Variants in CORIN observed in about 807,000 individuals in gnomAD.
CORIN encodes the protein atrial natriuretic peptide-converting enzyme.
A neutral mutation model predicts 125.3 loss-of-function variants in CORIN; 117 were observed. The ratio of observed to expected loss-of-function variants is 0.93; its 90% CI spans 0.80 to 1.09. CORIN has a LOEUF of 1.09. Among genes scored for constraint, CORIN ranks in the 50% least tolerant of loss-of-function variants. The probability of loss-of-function intolerance (pLI) is 0.00; values close to 1 mark genes in which losing one functional copy is unlikely to be tolerated. For synonymous variants in CORIN, 450 were observed against 466.4 expected (o/e 0.96, Z 0.45); for missense variants, 1,253 against 1,306.7 (o/e 0.96, Z 0.63).
At chr4:47,773,994 T>C (rs1205753862) in intron 3 of CORIN, among the ~76,000 whole-genome samples, 3 of 152,154 alleles carry the variant, frequency 2.0e-5, no homozygotes, top group African/African-American at 4.8e-5. Flanking sequence ...GTCTTTGCTT[T>C]AAATATCTAG....
At chr4:47,787,009 C>G (rs892712316) in intron 2 of CORIN, 84 bp from the exon 3 acceptor site, 3 of 943,944 alleles carry the variant, frequency 3.2e-6, no homozygotes, top group Non-Finnish European at 4.7e-6. Context: ...TAAGAAAACT[C>G]TAGAGCTACT....
At chr4:47,697,085 G>T (rs1445662153) in intron 5 of CORIN, among the ~76,000 whole-genome samples, 1 of 152,154 alleles carries the variant, frequency 6.6e-6, no homozygotes, top group Non-Finnish European at 1.5e-5. Flanking sequence ...CATGCTGCTC[G>T]AAATCAAGTA....
At chr4:47,782,290 C>A (rs983473761) in intron 3 of CORIN, among the ~76,000 whole-genome samples, 7 of 151,104 alleles carry the variant, frequency 4.6e-5, no homozygotes, top group African/African-American at 1.5e-4. Context: ...GAGACTGAGT[C>A]AGGAGAATCG....
At chr4:47,779,484 T>C (rs1361401316) in intron 3 of CORIN, among the ~76,000 whole-genome samples, 1 of 151,718 alleles carries the variant, frequency 6.6e-6, no homozygotes, top group African/African-American at 2.4e-5. Context: ...TCACCCAGGC[T>C]GGAGTGAAGT....
At chr4:47,728,959 T>C (rs1476920363) in intron 5 of CORIN, among the ~76,000 whole-genome samples, 2 of 152,236 alleles carry the variant, frequency 1.3e-5, no homozygotes, top group African/African-American at 4.8e-5. Context: ...CTGTGCCACT[T>C]CAAGCAAAGC....
At position 47,807,028 on chromosome 4, in the gene CORIN, T is replaced by C; in HGVS notation, c.83A>G (p.Asn28Ser). The C allele has an allele frequency of 6.2e-7, 1 of 1,613,242 alleles. No homozygotes were observed. Among genetic ancestry groups the C allele is most frequent in the Non-Finnish European group, 8.5e-7 (1 of 1,179,756 alleles). Residue 28 changes from asparagine to serine, a missense_variant, in exon 2 of 22, where the codon AAT becomes AGT. Physicochemically the swap from Asn to Ser is conservative, Grantham distance 46. Transcript: ENST00000273857. Reference sequence around the variant, plus strand: ...CTGAGAGCAGCCATTGCCCATGTTATTGTCATCAGCTCTCAAGACCTAAAG... The same window carrying C: ...CTGAGAGCAGCCATTGCCCATGTTACTGTCATCAGCTCTCAAGACCTAAAG... ...SPKPVLRADD[N>S]NMGNGCSQKL...
chr4:47,808,781 C>T (rs1731920109), intron 1 of CORIN, among the ~76,000 whole-genome samples: 2 of 152,164 alleles, frequency 1.3e-5, no homozygotes, highest in Admixed American at 1.3e-4. Context: ...TGTGGGACTA[C>T]AGGCCAACAA....
rs749871156 is a variant in CORIN, at chr4:47,683,851, G to A, written c.914-13C>T. 3.1e-6 allele frequency: 5 copies of A among 1,590,420 alleles called. No homozygotes were observed. The highest frequency in any genetic ancestry group is 4.3e-6 in the Non-Finnish European group (5 of 1,163,102). On this transcript the variant is annotated splice_polypyrimidine_tract_variant and intron_variant, in intron 6 of 21. Coordinates refer to ENST00000273857, the MANE Select transcript of CORIN (RefSeq NM_006587.4). ...TTCTCGCTGCAGTCTGCAAATAAAA[G>A]AAGCCACCAGTGTGTCATCAGAGCC... is the stretch of plus-strand genomic sequence containing the variant.
chr4:47,595,431 A>G lies in CORIN; in HGVS notation c.*290T>C, dbSNP rs1017432074. 3 of 216,060 alleles carry G rather than the reference A, an allele frequency of 1.4e-5. No homozygotes were observed. The highest frequency in any genetic ancestry group is 2.0e-4 in the East Asian group (2 of 9,782). 13.4% of individuals were successfully genotyped at this position (216,060 alleles called of 1,614,324 possible). ...GTAGCACCTGATTTTAAATCTCGCC[A>G]GAGTCGATAATTTTGTGCTGCAGTC... On this transcript the variant is annotated 3_prime_UTR_variant, in exon 22 of 22. Coordinates refer to ENST00000273857, the MANE Select transcript of CORIN (RefSeq NM_006587.4).
chr4:47,704,983 T>TA (rs1332230147), intron 5 of CORIN, among the ~76,000 whole-genome samples: 5 of 152,186 alleles, frequency 3.3e-5, no homozygotes, highest in Non-Finnish European at 7.3e-5. Context: ...GTGAGAGGCA[T>TA]GGCGACCCAG....
chr4:47,665,507 A>C (rs1724441748), intron 10 of CORIN, among the ~76,000 whole-genome samples: 1 of 152,138 alleles, frequency 6.6e-6, no homozygotes, highest in South Asian at 2.1e-4. Context: ...TTGCTTTAGA[A>C]AGTCCTTCCT....
intron 4 of CORIN, among the ~76,000 whole-genome samples, chr4:47,756,864 C>T (rs1169483548): frequency 6.6e-6 from 1 of 152,110 alleles, no homozygotes; most frequent in Non-Finnish European, 1.5e-5. Flanking sequence ...GCCTGTTTTG[C>T]AGTACATGAT....
intron 5 of CORIN, chr4:47,706,938 G>A (rs1458852848): frequency 6.9e-6 from 11 of 1,599,172 alleles, no homozygotes; most frequent in South Asian, 1.1e-5. Flanking sequence ...GGTTCTCGCC[G>A]GGCAGCTTGG....
Position 47,683,831 on chromosome 4 carries a change from G to C in CORIN, c.921C>G (p.Ser307Arg). Residue 307 changes from serine (S) to arginine (R), a missense_variant, in exon 7 of 22, where the codon AGC (serine) becomes AGG (arginine). Physicochemically the swap from Ser to Arg is moderately radical, Grantham distance 110. Transcript: ENST00000273857. Reference sequence around the variant, plus strand: ...CTGTGTGACAGTGAAACAGATTCTCGCTGCAGTCTGCAAATAAAAGAAGCC... The same window carrying C: ...CTGTGTGACAGTGAAACAGATTCTCCCTGCAGTCTGCAAATAAAAGAAGCC... The part of the protein sequence containing the change: ...DWSDEAHCNC[S>R]ENLFHCHTGK... 6.2e-7 allele frequency: 1 copy of C among 1,609,926 alleles called. No individual in the cohort carries two copies. Among genetic ancestry groups the C allele is most frequent in the Non-Finnish European group, 8.5e-7 (1 of 1,178,330 alleles).
intron 10 of CORIN, 112 bp from the exon 11 acceptor site, chr4:47,665,375 T>G: frequency 1.4e-6 from 1 of 727,862 alleles, no homozygotes; most frequent in South Asian, 1.9e-5. Context: ...TAGCTAAGAC[T>G]AGAATGCCAG....
chr4:47,805,358 A>C lies in CORIN; in HGVS notation c.208+1545T>G, dbSNP rs117452974. On this transcript the variant is annotated intron_variant, in intron 2 of 21. Transcript: ENST00000273857. ...CTATGTACCCACAAACATTTTTTTT[A>C]AAAAACCTGGTTACCCAAGCCAGAA... Among the ~76,000 whole-genome samples, 23 of 151,932 alleles carry C rather than the reference A, an allele frequency of 1.5e-4. No homozygotes were observed. The East Asian group carries it at 4.4e-3, about 29-fold the overall frequency.
chr4:47,657,099 A>T (rs529286905), intron 12 of CORIN, among the ~76,000 whole-genome samples: 251 of 152,334 alleles, frequency 1.6e-3, no homozygotes, highest in Admixed American at 1.4e-3. Context: ...CTCTGTGATG[A>T]AAACCATAAA....
intron 7 of CORIN, chr4:47,683,088 AT>A (rs1366889920): frequency 6.6e-6 from 1 of 152,278 alleles, no homozygotes; most frequent in Non-Finnish European, 1.5e-5. Context: ...ACTCAATAAT[AT>A]GCTACCTAAA....
At chr4:47,604,729 C>A (rs1243074736) in intron 19 of CORIN, among the ~76,000 whole-genome samples, 1 of 152,228 alleles carries the variant, frequency 6.6e-6, no homozygotes, top group Non-Finnish European at 1.5e-5. Context: ...AAGCTACTCT[C>A]AACTACATGG....
Sources: gnomAD v4.1 joint callset for allele counts (sites outside exome capture counted in the v4.1 genomes callset) on GRCh38, gnomAD v4.1.1 for gene constraint, MANE v1.5 for transcripts, NCBI Gene and HGNC (gene_info 2026-07-23, HGNC 2026-07-21) for gene names.